IL36RN: variants seen among roughly 807,000 people sequenced by gnomAD.
IL36RN encodes the protein interleukin-36 receptor antagonist protein.
In IL36RN, 11 loss-of-function variants were observed where a neutral mutation model predicts 13.0. The observed-to-expected ratio is 0.85, with a 90% confidence interval of 0.53 to 1.40. The LOEUF is 1.40. IL36RN is among the 40% of genes most tolerant of loss of function. The pLI is 0.00. For missense variants in IL36RN, 195 were observed against 195.3 expected, an observed-to-expected ratio of 1.00 and a Z score of 0.01; for synonymous variants, 94 against 84.1, an observed-to-expected ratio of 1.12 and a Z score of -0.64.
upstream of IL36RN, chr2:113,059,149 G>A: frequency 2.0e-6 from 1 of 494,374 alleles, no homozygotes; most frequent in Non-Finnish European, 3.7e-6. Flanking sequence ...GCAGTTTCAG[G>A]GCCCCTCCCT....
chr2:113,062,264 G>A lies in IL36RN; in HGVS notation c.243+13G>A. 6.2e-7 allele frequency: 1 copy of A among 1,613,902 alleles called. No homozygotes were observed. The highest frequency in any genetic ancestry group is 8.5e-7 in the Non-Finnish European group (1 of 1,179,904). On this transcript the variant is annotated intron_variant, in intron 4 of 4. Transcript: ENST00000393200. ...TCTAACACTAGAGGTGAGACTTGGG[G>A]CATCCTCACTGGGGACTCAGCCACA... is the stretch of plus-strand genomic sequence containing the variant.
intron 1 of IL36RN, 70 bp downstream of exon 1, chr2:113,059,311 G>A: frequency 4.1e-6 from 4 of 974,552 alleles, no homozygotes; most frequent in Middle Eastern, 2.9e-4. Context: ...CTCCGTGGAG[G>A]CTGTTCACAT....
At chr2:113,059,834 C>T (rs1685605942) in intron 2 of IL36RN, among the ~76,000 whole-genome samples, 1 of 152,172 alleles carries the variant, frequency 6.6e-6, no homozygotes, top group South Asian at 2.1e-4. Flanking sequence ...TGCCTCCCTG[C>T]TACTCTTTGG....
chr2:113,062,794 T>C lies in IL36RN; in HGVS notation c.*117T>C. 1.1e-6 allele frequency: 1 copy of C among 913,000 alleles called. No individual in the cohort carries two copies. Among genetic ancestry groups the C allele is most frequent in the Non-Finnish European group, 1.7e-6 (1 of 579,586 alleles). 56.6% of individuals were successfully genotyped at this position (913,000 alleles called of 1,614,324 possible). A position where few individuals can be genotyped will look rare whatever the true frequency, so the allele number is the denominator to read the frequency against. On this transcript the variant is annotated 3_prime_UTR_variant, in exon 5 of 5. Coordinates refer to ENST00000393200, the MANE Select transcript of IL36RN (RefSeq NM_012275.3). Reference sequence around the variant, plus strand: ...CTCAGGACCCCCACGTCTGACTTAGTGGGCACCTGACCACTTTGTCTTCTG... The same window carrying C: ...CTCAGGACCCCCACGTCTGACTTAGCGGGCACCTGACCACTTTGTCTTCTG...
Position 113,064,079 on chromosome 2 carries a change from G to A in IL36RN, c.*1402G>A, listed in dbSNP as rs1010398336. On this transcript the variant is annotated 3_prime_UTR_variant, in exon 5 of 5. Transcript: ENST00000393200. ...GAGGACACAGAGACAGAGGAGATGC[G>A]GGGAAGACTATGTAAAGATGAAGGC... 1 of 152,110 alleles carries A rather than the reference G, an allele frequency of 6.6e-6. No homozygotes were observed. Among genetic ancestry groups the A allele is most frequent in the Admixed American group, 6.5e-5 (1 of 15,272 alleles). The allele number at this position is 152,110 out of a possible 1,614,324, so 9.4% of individuals were successfully genotyped here.
Position 113,062,899 on chromosome 2 carries a change from T to G in IL36RN, c.*222T>G, listed in dbSNP as rs2515401. The stretch of plus-strand genomic sequence containing the variant: ...ACTGGATGGTGCTACTGCTGTGGAA[T>G]CTTGTAAAAACCATGTGGGGTAAAC... On this transcript the variant is annotated 3_prime_UTR_variant, in exon 5 of 5. Transcript: ENST00000393200. 1 of 589,794 alleles carries G rather than the reference T, an allele frequency of 1.7e-6. No individual in the cohort carries two copies. Among genetic ancestry groups the G allele is most frequent in the Non-Finnish European group, 3.0e-6 (1 of 328,532 alleles). The allele number at this position is 589,794 out of a possible 1,614,324, so 36.5% of individuals were successfully genotyped here.
upstream of IL36RN, chr2:113,058,642 A>G (rs1411660363): frequency 6.6e-6 from 1 of 152,208 alleles, no homozygotes; most frequent in Non-Finnish European, 1.5e-5. Context: ...TAAGCAGGAG[A>G]GTCCCACCTC....
rs183236913 is a variant in IL36RN at position 113,063,910 on chromosome 2, C to T, written c.*1233C>T. 1.3e-5 allele frequency: 2 copies of T among 152,316 alleles called. No homozygotes were observed. Among genetic ancestry groups the T allele is most frequent in the East Asian group, 3.9e-4 (2 of 5,190 alleles). 9.4% of individuals were successfully genotyped at this position (152,316 alleles called of 1,614,324 possible). On this transcript the variant is annotated 3_prime_UTR_variant, in exon 5 of 5. Transcript: ENST00000393200. ...GCTGTACTGGTTGAATTGTGTCCCCCTCAAATTCACATCCTTCTTGGAATC... is the reference window on the plus strand; with the variant it reads ...GCTGTACTGGTTGAATTGTGTCCCCTTCAAATTCACATCCTTCTTGGAATC...
chr2:113,060,331 T>A (rs545926621), intron 2 of IL36RN, among the ~76,000 whole-genome samples: 1 of 152,260 alleles, frequency 6.6e-6, no homozygotes, highest in Non-Finnish European at 1.5e-5. Context: ...AAAAGTTAAA[T>A]AAAAGAAATT....
At chr2:113,062,312 G>A (rs1685658844) in intron 4 of IL36RN, 61 bp downstream of exon 4, 2 of 1,611,162 alleles carry the variant, frequency 1.2e-6, no homozygotes, top group African/African-American at 1.3e-5. Flanking sequence ...ACTGAAGCCG[G>A]GCAGCCCACA....
chr2:113,059,325 G>A (rs1685590828), intron 1 of IL36RN, 84 bp downstream of exon 1: 1 of 1,164,090 alleles, frequency 8.6e-7, no homozygotes, highest in African/African-American at 1.5e-5. Flanking sequence ...TTCACATGCT[G>A]GGGAGCTCGG....
Position 113,062,899 on chromosome 2 carries a change from T to C in IL36RN, c.*222T>C, listed in dbSNP as rs2515401. 0.65 allele frequency: 381,409 copies of C among 588,930 alleles called. 125,218 individuals carry two copies. The highest frequency in any genetic ancestry group is 0.8 in the South Asian group (41,354 of 51,876). The allele number at this position is 588,930 out of a possible 1,614,324, so 36.5% of individuals were successfully genotyped here. On this transcript the variant is annotated 3_prime_UTR_variant, in exon 5 of 5. Coordinates refer to ENST00000393200, the MANE Select transcript of IL36RN (RefSeq NM_012275.3). ...ACTGGATGGTGCTACTGCTGTGGAA[T>C]CTTGTAAAAACCATGTGGGGTAAAC... is the stretch of plus-strand genomic sequence containing the variant.
chr2:113,061,427 A>C (rs1685637242), intron 3 of IL36RN, among the ~76,000 whole-genome samples: 1 of 152,104 alleles, frequency 6.6e-6, no homozygotes, highest in South Asian at 2.1e-4. Flanking sequence ...ATGCACTGCA[A>C]CACGTCCCTC....
intron 2 of IL36RN, 21 bp from the exon 3 acceptor site, chr2:113,060,831 C>T: frequency 6.3e-7 from 1 of 1,587,686 alleles, no homozygotes; most frequent in Admixed American, 1.7e-5. Context: ...ATGTAGTCCT[C>T]ACCCCTTCCT....
intron 2 of IL36RN, among the ~76,000 whole-genome samples, chr2:113,060,561 A>G (rs1685620341): frequency 6.6e-6 from 1 of 152,190 alleles, no homozygotes; most frequent in South Asian, 2.1e-4. Flanking sequence ...GCAAGAACCT[A>G]GGGCTCTGAC....
Position 113,062,683 on chromosome 2 carries a change from C to G in IL36RN, c.*6C>G, listed in dbSNP as rs189986394. Reference sequence around the variant, plus strand: ...ACTTCCAGCAGTGTGACTAGGGCAACGTGCCCCCCAGAACTCCCTGGGCAG... The same window carrying G: ...ACTTCCAGCAGTGTGACTAGGGCAAGGTGCCCCCCAGAACTCCCTGGGCAG... On this transcript the variant is annotated 3_prime_UTR_variant, in exon 5 of 5. Coordinates refer to ENST00000393200, the MANE Select transcript of IL36RN (RefSeq NM_012275.3). 6.2e-7 allele frequency: 1 copy of G among 1,608,008 alleles called. No homozygotes were observed. Among genetic ancestry groups the G allele is most frequent in the Non-Finnish European group, 8.5e-7 (1 of 1,179,338 alleles).
chr2:113,059,118 C>T, upstream of IL36RN: 1 of 433,914 alleles, frequency 2.3e-6, no homozygotes, highest in Non-Finnish European at 4.3e-6. Context: ...CGCTGGGAAT[C>T]CTGCTCCTCC....
intron 4 of IL36RN, 79 bp downstream of exon 4, chr2:113,062,330 T>A: frequency 6.2e-7 from 1 of 1,604,384 alleles, no homozygotes; most frequent in Non-Finnish European, 8.5e-7. Flanking sequence ...ACAGCCCTGG[T>A]GCTGTGGGAC....
intron 4 of IL36RN, 29 bp downstream of exon 4, chr2:113,062,280 C>T (rs367825442): frequency 5.4e-5 from 87 of 1,613,394 alleles, no homozygotes; most frequent in Non-Finnish European, 7.4e-5. Context: ...TCACTGGGGA[C>T]TCAGCCACAG....
Sources: gnomAD v4.1 joint callset for allele counts (sites outside exome capture counted in the v4.1 genomes callset) on GRCh38, gnomAD v4.1.1 for gene constraint, MANE v1.5 for transcripts, NCBI Gene and HGNC (gene_info 2026-07-23, HGNC 2026-07-21) for gene names.